FILIP1: variants seen among roughly 807,000 people sequenced by gnomAD.
The protein encoded by FILIP1 is filamin A interacting protein 1.
A neutral mutation model predicts 102.1 loss-of-function variants in FILIP1; 61 were observed. The ratio of observed to expected loss-of-function variants is 0.60; its 90% CI spans 0.49 to 0.74. The LOEUF (loss-of-function observed/expected upper bound fraction) is 0.74, where lower values mean the gene tolerates loss of function less well. Ranked by LOEUF, FILIP1 falls within the 30% of genes least tolerant of loss-of-function variation. The pLI is 0.00. For synonymous variants in FILIP1, 491 were observed against 526.9 expected (o/e 0.93, Z 0.93); for missense variants, 1,314 against 1,441.2 (o/e 0.91, Z 1.43).
chr6:75,420,461 G>C lies in FILIP1; in HGVS notation c.-6-5483C>G, dbSNP rs117867753. ...ACATTTTAATTAAAATCCCCACATT[G>C]ATGACTCTTCTATCATAATGTGTCC... On this transcript the variant is annotated intron_variant, in intron 1 of 5. Coordinates refer to ENST00000237172, the MANE Select transcript of FILIP1 (RefSeq NM_015687.5). Among the ~76,000 whole-genome samples, 115 of 152,140 alleles carry C rather than the reference G, an allele frequency of 7.6e-4. 1 individual carries two copies. The East Asian group carries it at 0.02, about 27-fold the overall frequency.
chr6:75,479,521 ATTAT>A (rs1779589593), intron 1 of FILIP1, among the ~76,000 whole-genome samples: 2 of 152,124 alleles, frequency 1.3e-5, no homozygotes, highest in Non-Finnish European at 2.9e-5. Flanking sequence ...TTTATTCCAA[ATTAT>A]TTATGTCATT....
intron 1 of FILIP1, among the ~76,000 whole-genome samples, chr6:75,476,406 T>C (rs1268393055): frequency 6.6e-6 from 1 of 152,128 alleles, no homozygotes; most frequent in Admixed American, 6.6e-5. Context: ...ACAGAAAACA[T>C]AAGAGATTAT....
chr6:75,386,897 G>A (rs1158306842), intron 2 of FILIP1, among the ~76,000 whole-genome samples: 3 of 152,026 alleles, frequency 2.0e-5, no homozygotes, highest in African/African-American at 7.3e-5. Flanking sequence ...AGAATGTGCA[G>A]GTTTGTTACA....
rs781266735 is a variant in FILIP1 at position 75,312,389 on chromosome 6, C to T, written c.3435+8G>A. 5 of 1,610,132 alleles carry T rather than the reference C, an allele frequency of 3.1e-6. No homozygotes were observed. The highest frequency in any genetic ancestry group is 1.7e-5 in the Admixed American group (1 of 59,824). ...GCAGGCCTGCGCTTTGGAGCCTCTTCTACTCACCACTGACTGGGTTCCTCG... is the reference window on the plus strand; with the variant it reads ...GCAGGCCTGCGCTTTGGAGCCTCTTTTACTCACCACTGACTGGGTTCCTCG... On this transcript the variant is annotated splice_region_variant and intron_variant, in intron 5 of 5. Transcript: ENST00000237172.
chr6:75,461,595 G>A (rs991907538), intron 1 of FILIP1, among the ~76,000 whole-genome samples: 3 of 152,114 alleles, frequency 2.0e-5, no homozygotes, highest in African/African-American at 4.8e-5. Flanking sequence ...GTTTCCCTCA[G>A]GAAACCTGCA....
intron 1 of FILIP1, chr6:75,428,299 G>C (rs1330301116): frequency 3.3e-5 from 5 of 152,384 alleles, no homozygotes; most frequent in African/African-American, 1.2e-4. Context: ...GACTATACCA[G>C]CCTGCAGGGC....
chr6:75,314,940 T>C lies in FILIP1; in HGVS notation c.892A>G (p.Lys298Glu). The change falls in exon 5 of 6, where the codon AAG (lysine) becomes GAG (glutamate). Residue 298 changes from lysine to glutamate, a missense_variant. By Grantham distance (56) the Lys-to-Glu change is moderately conservative. This residue lies in a region of FILIP1 where 494 missense variants were observed against 511.2 expected (regional missense o/e 0.97). Transcript: ENST00000237172. Reference protein sequence around the residue: ...KSKEDRQKLLKLEVDFEHKAS... With the variant: ...KSKEDRQKLLELEVDFEHKAS... ...TTGTGTTCAAAGTCCACTTCTAACTTGAGCAATTTCTGTCTGTCTTCTTTG... is the reference window on the plus strand; with the variant it reads ...TTGTGTTCAAAGTCCACTTCTAACTCGAGCAATTTCTGTCTGTCTTCTTTG... The C allele has an allele frequency of 6.2e-7, 1 of 1,614,174 alleles. No individual in the cohort carries two copies. The highest frequency in any genetic ancestry group is 8.5e-7 in the Non-Finnish European group (1 of 1,180,010).
At chr6:75,423,405 C>T (rs759931712) in intron 1 of FILIP1, among the ~76,000 whole-genome samples, 32 of 152,028 alleles carry the variant, frequency 2.1e-4, no homozygotes, top group South Asian at 6.2e-4. Context: ...ATACGACAAT[C>T]GGTGAAGGCC....
chr6:75,348,330 A>T (rs1582379148), intron 4 of FILIP1, among the ~76,000 whole-genome samples: 2 of 152,236 alleles, frequency 1.3e-5, no homozygotes, highest in African/African-American at 4.8e-5. Context: ...GCATTTAGAC[A>T]AGGGGGATTT....
intron 1 of FILIP1, among the ~76,000 whole-genome samples, chr6:75,449,438 T>C (rs1176477022): frequency 6.6e-6 from 1 of 152,104 alleles, no homozygotes; most frequent in African/African-American, 2.4e-5. Context: ...AACTTATTCA[T>C]GTAAGCAAAT....
chr6:75,408,966 C>T (rs908584298), intron 2 of FILIP1, among the ~76,000 whole-genome samples: 11 of 152,290 alleles, frequency 7.2e-5, no homozygotes, highest in African/African-American at 2.6e-4. Context: ...CCATTTTACT[C>T]ATCATCTAGA....
intron 3 of FILIP1, 91 bp from the exon 4 acceptor site, chr6:75,353,808 T>C: frequency 1.5e-6 from 2 of 1,290,856 alleles, no homozygotes; most frequent in Non-Finnish European, 2.1e-6. Flanking sequence ...AGTGACTTAT[T>C]ACCTGAAAGC....
intron 4 of FILIP1, among the ~76,000 whole-genome samples, chr6:75,330,974 T>C (rs577683554): frequency 9.9e-5 from 15 of 152,144 alleles, no homozygotes; most frequent in Non-Finnish European, 1.8e-4. Flanking sequence ...AACCCATAGA[T>C]GGCAAGAACT....
intron 4 of FILIP1, among the ~76,000 whole-genome samples, chr6:75,336,738 C>G (rs1034417309): frequency 2.6e-5 from 4 of 152,110 alleles, no homozygotes; most frequent in Admixed American, 1.3e-4. Flanking sequence ...CAATCACAGA[C>G]AGGTTTCTTT....
chr6:75,447,673 G>A (rs1000977146), intron 1 of FILIP1, among the ~76,000 whole-genome samples: 3 of 152,084 alleles, frequency 2.0e-5, no homozygotes, highest in East Asian at 1.9e-4. Flanking sequence ...TTGCATTCTA[G>A]GTGTATGGGA....
At chr6:75,399,009 T>C (rs916091189) in intron 2 of FILIP1, 3 of 152,210 alleles carry the variant, frequency 2.0e-5, no homozygotes, top group Admixed American at 2.0e-4. Flanking sequence ...GTACACTCCA[T>C]GTTCAGAGAA....
intron 2 of FILIP1, among the ~76,000 whole-genome samples, chr6:75,369,786 C>T (rs1020775670): frequency 6.6e-6 from 1 of 152,150 alleles, no homozygotes; most frequent in Admixed American, 6.5e-5. Flanking sequence ...AATATTCATA[C>T]AATTTTAATA....
At chr6:75,393,120 T>C (rs1776337164) in intron 2 of FILIP1, among the ~76,000 whole-genome samples, 1 of 152,138 alleles carries the variant, frequency 6.6e-6, no homozygotes, top group South Asian at 2.1e-4. Flanking sequence ...TCACATTGAC[T>C]CAGAAACAGG....
rs7761971 is a variant in FILIP1, at chr6:75,478,841, C to T, written c.-7+14573G>A. Among the ~76,000 whole-genome samples, 804 of 152,238 alleles carry T rather than the reference C, an allele frequency of 5.3e-3. 7 individuals carry two copies. Among genetic ancestry groups the T allele is most frequent in the African/African-American group, 0.019 (775 of 41,514 alleles). ...TAAACCAATTTTTTTCAGAGTATTTCATGCCCAAAACAGTTTAATGAGCCT... is the reference window on the plus strand; with the variant it reads ...TAAACCAATTTTTTTCAGAGTATTTTATGCCCAAAACAGTTTAATGAGCCT... On this transcript the variant is annotated intron_variant, in intron 1 of 5. Coordinates refer to ENST00000237172, the MANE Select transcript of FILIP1 (RefSeq NM_015687.5).
Sources: gnomAD v4.1 joint callset for allele counts (sites outside exome capture counted in the v4.1 genomes callset) on GRCh38, gnomAD v4.1.1 for gene constraint, gnomAD v4.1.1 regional missense constraint, MANE v1.5 for transcripts, NCBI Gene and HGNC (gene_info 2026-07-23, HGNC 2026-07-21) for gene names.